The following PPP1R17 variants were observed in gnomAD, a reference collection of about 807,000 sequenced individuals.
The protein encoded by PPP1R17 is G-substrate.
A neutral mutation model predicts 15.9 loss-of-function variants in PPP1R17; 12 were observed. That is an observed-to-expected ratio of 0.75 (90% CI 0.48 to 1.22). PPP1R17 has a LOEUF of 1.22. Ranked by LOEUF, PPP1R17 falls within the 50% of genes most tolerant of loss-of-function variation. PPP1R17 has a pLI of 0.00. For missense variants in PPP1R17, 211 were observed against 187.3 expected (o/e 1.13, Z -0.74); for synonymous variants, 63 against 64.5 (o/e 0.98, Z 0.11).
At chr7:31,695,278 G>T (rs982573186) in intron 2 of PPP1R17, among the ~76,000 whole-genome samples, 191 bp from the exon 3 acceptor site, 2 of 152,062 alleles carry the variant, frequency 1.3e-5, no homozygotes, top group African/African-American at 2.4e-5. Flanking sequence ...TCTAGTTTTC[G>T]ATTTTGTTAT....
chr7:31,704,266 G>A (rs1299271208), intron 4 of PPP1R17, among the ~76,000 whole-genome samples: 1 of 152,182 alleles, frequency 6.6e-6, no homozygotes, highest in Non-Finnish European at 1.5e-5. Flanking sequence ...TGATTTATCA[G>A]AAGACGTGGT....
intron 2 of PPP1R17, 36 bp from the exon 3 acceptor site, chr7:31,695,433 T>C (rs1170216094): frequency 6.4e-7 from 1 of 1,564,272 alleles, no homozygotes; most frequent in Non-Finnish European, 8.7e-7. Context: ...TTAATCATGT[T>C]ATATTCTTTA....
intron 4 of PPP1R17, among the ~76,000 whole-genome samples, chr7:31,701,766 T>C (rs1283175436): frequency 6.6e-6 from 1 of 152,246 alleles, no homozygotes; most frequent in East Asian, 1.9e-4. Context: ...CAAGCCTCTC[T>C]AAGACTCAGT....
chr7:31,687,353 G>C (rs556222974), intron 1 of PPP1R17, 47 bp downstream of exon 1: 5 of 152,324 alleles, frequency 3.3e-5, no homozygotes, highest in Admixed American at 1.3e-4. Flanking sequence ...GGTGAGAAAA[G>C]CAAGTTTCCA....
chr7:31,707,310 A>C lies in PPP1R17; in HGVS notation c.*27A>C, dbSNP rs780891414. 6.3e-7 allele frequency: 1 copy of C among 1,591,664 alleles called. No homozygotes were observed. Among genetic ancestry groups the C allele is most frequent in the Non-Finnish European group, 8.6e-7 (1 of 1,160,754 alleles). On this transcript the variant is annotated 3_prime_UTR_variant, in exon 5 of 5. Coordinates refer to ENST00000342032, the MANE Select transcript of PPP1R17 (RefSeq NM_006658.5). ...GATAGTTCCCCTGAGACCACTTGTA[A>C]ATAGGTTAGATTGGTTCCCTGTGGT...
In PPP1R17 at chr7:31,707,636, T is replaced by A; in HGVS notation, c.*353T>A. The A allele has an allele frequency of 9.5e-6, 2 of 211,272 alleles. No individual in the cohort carries two copies. The highest frequency in any genetic ancestry group is 1.9e-5 in the Non-Finnish European group (2 of 105,794). 13.1% of individuals were successfully genotyped at this position (211,272 alleles called of 1,614,324 possible). A position where few individuals can be genotyped will look rare whatever the true frequency, so the allele number is the denominator to read the frequency against. Reference sequence around the variant, plus strand: ...GTGGATTACATGGGCTCCTTCTTGGTTTTTGCTGCTGGGCAGGACTTGACT... The same window carrying A: ...GTGGATTACATGGGCTCCTTCTTGGATTTTGCTGCTGGGCAGGACTTGACT... On this transcript the variant is annotated 3_prime_UTR_variant, in exon 5 of 5. Transcript: ENST00000342032.
intron 1 of PPP1R17, among the ~76,000 whole-genome samples, chr7:31,690,681 A>C (rs1792304821): frequency 6.6e-6 from 1 of 152,236 alleles, no homozygotes; most frequent in African/African-American, 2.4e-5. Context: ...AAGAACAGCC[A>C]TAGGATCCAA....
intron 1 of PPP1R17, among the ~76,000 whole-genome samples, chr7:31,689,564 C>A (rs982161953): frequency 1.3e-5 from 2 of 152,010 alleles, no homozygotes; most frequent in African/African-American, 4.8e-5. Flanking sequence ...TTTCCTATGT[C>A]AAGAATTAGA....
At chr7:31,689,913 G>A (rs1031011637) in intron 1 of PPP1R17, among the ~76,000 whole-genome samples, 22 of 152,156 alleles carry the variant, frequency 1.4e-4, no homozygotes, top group African/African-American at 5.3e-4. Context: ...AGTCTTGCTG[G>A]TTCACCACCA....
chr7:31,692,556 TG>T, intron 2 of PPP1R17, 33 bp downstream of exon 2: 1 of 1,556,136 alleles, frequency 6.4e-7, no homozygotes, highest in East Asian at 2.2e-5. Context: ...ATGTCAGTGG[TG>T]GAAGTCAGAG....
chr7:31,701,131 G>A (rs117076345), intron 4 of PPP1R17, among the ~76,000 whole-genome samples: 2,858 of 152,272 alleles, frequency 0.019, 42 homozygotes, highest in Middle Eastern at 0.034. Context: ...CCCTCTGATG[G>A]ATCTGGACAA....
At chr7:31,704,617 T>C (rs912079619) in intron 4 of PPP1R17, among the ~76,000 whole-genome samples, 1 of 152,236 alleles carries the variant, frequency 6.6e-6, no homozygotes, top group African/African-American at 2.4e-5. Flanking sequence ...ATGTGAAATA[T>C]GCGGTAACAG....
chr7:31,697,240 C>A, intron 4 of PPP1R17, 123 bp downstream of exon 4: 1 of 1,241,044 alleles, frequency 8.1e-7, no homozygotes, highest in Non-Finnish European at 1.1e-6. Context: ...TCCTGAAGTG[C>A]TCTGGGGAGA....
rs138048466 is a variant in PPP1R17 at position 31,687,933 on chromosome 7, G to A, written c.-37+627G>A. Among the ~76,000 whole-genome samples the A allele has an allele frequency of 4.9e-3, 753 of 152,262 alleles. 3 individuals carry two copies. The highest frequency in any genetic ancestry group is 0.017 in the African/African-American group (701 of 41,538). On this transcript the variant is annotated intron_variant, in intron 1 of 4. Coordinates refer to ENST00000342032, the MANE Select transcript of PPP1R17 (RefSeq NM_006658.5). ...CGTATGGTAAGCTAAGTGTCAACTC[G>A]CTTCTGAGAATCAGTTCTATTATGT...
At chr7:31,693,050 T>G (rs1792425484) in intron 2 of PPP1R17, among the ~76,000 whole-genome samples, 1 of 152,208 alleles carries the variant, frequency 6.6e-6, no homozygotes, top group African/African-American at 2.4e-5. Context: ...GCTACCCATT[T>G]CTAAAAATGA....
intron 1 of PPP1R17, among the ~76,000 whole-genome samples, chr7:31,690,266 A>G (rs1186498840): frequency 6.6e-6 from 1 of 152,258 alleles, no homozygotes; most frequent in Non-Finnish European, 1.5e-5. Flanking sequence ...TTACATAAAA[A>G]TAGCTGCCAC....
intron 4 of PPP1R17, among the ~76,000 whole-genome samples, chr7:31,698,605 T>A (rs1041935146): frequency 1.3e-5 from 2 of 152,244 alleles, no homozygotes; most frequent in African/African-American, 4.8e-5. Context: ...CTTCAAACTG[T>A]CTTCATTCTT....
chr7:31,691,797 T>TAAAAAAAAAAAAAAAAA (rs377169335), intron 1 of PPP1R17, among the ~76,000 whole-genome samples: 5 of 86,542 alleles, frequency 5.8e-5, no homozygotes, highest in Non-Finnish European at 8.8e-5. Flanking sequence ...ATGTAATGAT[T>TAAAAAAAAAAAAAAAAA]AAAAAAAAAA....
At position 31,706,116 on chromosome 7, in the gene PPP1R17, T is replaced by C. The variant is rs1793061630; in HGVS notation, c.389-1088T>C. On this transcript the variant is annotated intron_variant, in intron 4 of 4. Coordinates refer to ENST00000342032, the MANE Select transcript of PPP1R17 (RefSeq NM_006658.5). ...GCCTCCAGGATTCAAGGGATTCTTC[T>C]GTCTCAGCCTCCCGAGTAGTCAGGA... Among the ~76,000 whole-genome samples, 3 of 149,568 alleles carry C rather than the reference T, an allele frequency of 2.0e-5. No homozygotes were observed. In the South Asian group the frequency reaches 6.5e-4, roughly 32 times the overall value.
Sources: gnomAD v4.1 joint callset for allele counts (sites outside exome capture counted in the v4.1 genomes callset) on GRCh38, gnomAD v4.1.1 for gene constraint, MANE v1.5 for transcripts, NCBI Gene and HGNC (gene_info 2026-07-23, HGNC 2026-07-21) for gene names.